The following TMEM132B variants were observed in gnomAD, a reference collection of about 807,000 sequenced individuals.
TMEM132B encodes transmembrane protein 132B.
Under a neutral mutation model 90.8 loss-of-function variants are expected in TMEM132B, and 18 were observed. The observed-to-expected ratio is 0.20, with a 90% CI of 0.14 to 0.29. TMEM132B has a LOEUF of 0.29. Among genes scored for constraint, TMEM132B ranks in the 10% least tolerant of loss-of-function variants. The pLI, the probability that TMEM132B is intolerant of heterozygous loss-of-function variation, is 1.00. For missense variants in TMEM132B, 1,096 were observed against 1,326.8 expected, an observed-to-expected ratio of 0.83 and a Z score of 2.70; for synonymous variants, 504 against 523.3, an observed-to-expected ratio of 0.96 and a Z score of 0.50.
At chr12:125,325,346 G>A (rs1211867347) in intron 1 of TMEM132B, among the ~76,000 whole-genome samples, 2 of 152,138 alleles carry the variant, frequency 1.3e-5, no homozygotes, top group Non-Finnish European at 2.9e-5. Context: ...AGGCAGGAGC[G>A]GAGGACCTTC....
At chr12:125,279,107 A>G (rs1875087706) in intron 1 of TMEM132B, among the ~76,000 whole-genome samples, 1 of 152,200 alleles carries the variant, frequency 6.6e-6, no homozygotes, top group Admixed American at 6.5e-5. Flanking sequence ...TACCTTTGCC[A>G]TCCCTGGATT....
chr12:125,568,371 C>G (rs1378486739), intron 4 of TMEM132B, among the ~76,000 whole-genome samples: 1 of 152,198 alleles, frequency 6.6e-6, no homozygotes, highest in Non-Finnish European at 1.5e-5. Flanking sequence ...CCCTCCAGCA[C>G]TTCTTCCTTG....
intron 1 of TMEM132B, among the ~76,000 whole-genome samples, chr12:125,283,539 C>T (rs551375553): frequency 1.5e-3 from 235 of 152,254 alleles, no homozygotes; most frequent in African/African-American, 5.4e-3. Flanking sequence ...AACAAGTAAT[C>T]TGGCCCGGGA....
intron 1 of TMEM132B, among the ~76,000 whole-genome samples, chr12:125,303,004 G>A (rs1875869050): frequency 6.6e-6 from 1 of 152,122 alleles, no homozygotes; most frequent in East Asian, 1.9e-4. Flanking sequence ...GGCTGAGGCA[G>A]GAGAATCGCT....
At chr12:125,488,549 G>A (rs747087550) in intron 3 of TMEM132B, among the ~76,000 whole-genome samples, 1 of 152,140 alleles carries the variant, frequency 6.6e-6, no homozygotes, top group African/African-American at 2.4e-5. Context: ...AATGGGAACT[G>A]CCCTGCACAA....
chr12:125,452,421 G>C (rs909889514), intron 3 of TMEM132B, among the ~76,000 whole-genome samples: 4 of 152,118 alleles, frequency 2.6e-5, no homozygotes, highest in Admixed American at 1.3e-4. Context: ...AATTTGTACT[G>C]TTTCTAATAA....
At position 125,360,835 on chromosome 12, in the gene TMEM132B, G is replaced by A. The variant is rs898655741; in HGVS notation, c.959+10492G>A. 1.3e-4 allele frequency among the ~76,000 whole-genome samples: 19 copies of A among 151,760 alleles called. 1 individual carries two copies. The highest frequency in any genetic ancestry group is 9.7e-5 in the African/African-American group (4 of 41,286). The stretch of plus-strand genomic sequence containing the variant: ...AATCTGGTATGCCTAGGAAGCTCTC[G>A]AGAGGCAAGTTTTCTGAGTGATTAG... On this transcript the variant is annotated intron_variant, in intron 2 of 8. Coordinates refer to ENST00000682704, the MANE Select transcript of TMEM132B (RefSeq NM_001366854.1).
Position 125,426,869 on chromosome 12 carries a change from G to A in TMEM132B, c.1106+11192G>A, listed in dbSNP as rs115323471. Among the ~76,000 whole-genome samples, 1,172 of 152,290 alleles carry A rather than the reference G, an allele frequency of 7.7e-3. 16 individuals are homozygous for A. The highest frequency in any genetic ancestry group is 0.025 in the African/African-American group (1,057 of 41,554). On this transcript the variant is annotated intron_variant, in intron 3 of 8. Coordinates refer to ENST00000682704, the MANE Select transcript of TMEM132B (RefSeq NM_001366854.1). ...ACAGTGAATTGAACCAGTAGGCAGC[G>A]CTCCCCATAGTCATAGGACAAGAGA...
At chr12:125,352,124 GCTT>G (rs1877607091) in intron 2 of TMEM132B, among the ~76,000 whole-genome samples, 1 of 152,312 alleles carries the variant, frequency 6.6e-6, no homozygotes, top group Admixed American at 6.5e-5. Flanking sequence ...AGGTTCAAGT[GCTT>G]CTTCTTCAGG....
chr12:125,467,318 G>C (rs906872975), intron 3 of TMEM132B, among the ~76,000 whole-genome samples: 5 of 152,150 alleles, frequency 3.3e-5, no homozygotes, highest in African/African-American at 1.2e-4. Flanking sequence ...TATTATTGAA[G>C]TTCCTGGATC....
intron 3 of TMEM132B, among the ~76,000 whole-genome samples, chr12:125,467,137 T>G (rs540139142): frequency 2.0e-4 from 30 of 152,218 alleles, no homozygotes; most frequent in African/African-American, 7.2e-4. Flanking sequence ...ACCACTACCC[T>G]CCCTCTCCTT....
intron 3 of TMEM132B, among the ~76,000 whole-genome samples, chr12:125,465,042 A>G (rs547843685): frequency 3.3e-5 from 5 of 152,204 alleles, no homozygotes; most frequent in Non-Finnish European, 7.4e-5. Flanking sequence ...AACATTTCCA[A>G]ACTATTTTTT....
At chr12:125,572,522 A>G (rs1884825016) in intron 4 of TMEM132B, among the ~76,000 whole-genome samples, 1 of 152,186 alleles carries the variant, frequency 6.6e-6, no homozygotes, top group African/African-American at 2.4e-5. Flanking sequence ...TGAGGAAAAA[A>G]TTTTGTTCTT....
At chr12:125,533,611 A>G (rs1883708053) in intron 4 of TMEM132B, among the ~76,000 whole-genome samples, 1 of 152,206 alleles carries the variant, frequency 6.6e-6, no homozygotes, top group Admixed American at 6.5e-5. Context: ...CTCGTGGGCG[A>G]TGGTCCTGGC....
Position 125,420,747 on chromosome 12 carries a change from C to A in TMEM132B, c.1106+5070C>A, listed in dbSNP as rs148646462. On this transcript the variant is annotated intron_variant, in intron 3 of 8. Transcript: ENST00000682704. ...ATCACATCATCAGGCTGCAAATTTT[C>A]TGAACTTTTCTGTTCAGCTTCCCTT... Among the ~76,000 whole-genome samples the A allele has an allele frequency of 7.6e-3, 1,152 of 152,192 alleles. 15 individuals carry two copies. The highest frequency in any genetic ancestry group is 0.026 in the African/African-American group (1,072 of 41,472).
At chr12:125,296,598 C>T (rs558157316) in intron 1 of TMEM132B, among the ~76,000 whole-genome samples, 2 of 152,314 alleles carry the variant, frequency 1.3e-5, no homozygotes, top group South Asian at 4.1e-4. Flanking sequence ...TGCTGTTGGT[C>T]TCCCCCAACA....
At position 125,214,343 on chromosome 12, in the gene TMEM132B, C is replaced by T. The variant is rs537609590; in HGVS notation, c.67+27477C>T. On this transcript the variant is annotated intron_variant, in intron 1 of 8. Transcript: ENST00000682704. ...GGCTCCATTCTCAGGGCAGCTTCTT[C>T]TAAAGCACGGCTGTTGGGTAGACCT... Among the ~76,000 whole-genome samples, 26 of 152,352 alleles carry T rather than the reference C, an allele frequency of 1.7e-4. No individual in the cohort carries two copies. The South Asian group carries it at 5.2e-3, about 30-fold the overall frequency.
At position 125,563,598 on chromosome 12, in the gene TMEM132B, C is replaced by CAAACAAACAAAA. The variant is rs774597550; in HGVS notation, c.1294-20250_1294-20249insCAAACAAAAAAA. ...ACAAACAAACAAACAAACAAACAAA[C>CAAACAAACAAAA]AAAAAAAAACCCCACAGTATCTGTG... On this transcript the variant is annotated intron_variant, in intron 4 of 8. Coordinates refer to ENST00000682704, the MANE Select transcript of TMEM132B (RefSeq NM_001366854.1). Among the ~76,000 whole-genome samples, 1,119 of 150,128 alleles carry CAAACAAACAAAA rather than the reference C, an allele frequency of 7.5e-3. 16 individuals are homozygous for CAAACAAACAAAA. The highest frequency in any genetic ancestry group is 0.026 in the African/African-American group (1,037 of 40,498).
chr12:125,431,043 G>A (rs1037309329), intron 3 of TMEM132B, among the ~76,000 whole-genome samples: 5 of 152,120 alleles, frequency 3.3e-5, no homozygotes, highest in Admixed American at 6.5e-5. Flanking sequence ...AGGGGGCAGC[G>A]GGGACCAGGT....
Sources: gnomAD v4.1 joint callset for allele counts (sites outside exome capture counted in the v4.1 genomes callset) on GRCh38, gnomAD v4.1.1 for gene constraint, MANE v1.5 for transcripts, NCBI Gene and HGNC (gene_info 2026-07-23, HGNC 2026-07-21) for gene names.